The following INTS8 variants were observed in gnomAD, a reference collection of about 807,000 sequenced individuals.
INTS8 encodes protein kaonashi-1.
Under a neutral mutation model 138.9 loss-of-function variants are expected in INTS8, and 47 were observed. The observed-to-expected ratio is 0.34, with a 90% CI of 0.27 to 0.43. INTS8 has a LOEUF of 0.43. Among genes scored for constraint, INTS8 ranks in the 20% least tolerant of loss-of-function variants. The pLI is 1.00. For missense variants in INTS8, 996 were observed against 1,173.0 expected (o/e 0.85, Z 2.20); for synonymous variants, 392 against 400.9 (o/e 0.98, Z 0.27).
intron 8 of INTS8, among the ~76,000 whole-genome samples, chr8:94,840,559 G>GTTT (rs11395069): frequency 4.8e-4 from 66 of 136,486 alleles, no homozygotes; most frequent in African/African-American, 9.5e-4. Flanking sequence ...TTTTTAATTA[G>GTTT]TTTTTTTTTT....
chr8:94,849,850 A>G (rs770765030), intron 11 of INTS8, 66 bp from the exon 12 acceptor site: 12 of 1,179,516 alleles, frequency 1.0e-5, no homozygotes, highest in Non-Finnish European at 1.4e-5. Flanking sequence ...AAATTGGTTG[A>G]TATGATTGTT....
Position 94,881,599 on chromosome 8 carries a change from G to A in INTS8, c.*1365G>A. 1 of 1,607,816 alleles carries A rather than the reference G, an allele frequency of 6.2e-7. No individual in the cohort carries two copies. The highest frequency in any genetic ancestry group is 1.1e-5 in the South Asian group (1 of 90,510). On this transcript the variant is annotated 3_prime_UTR_variant, in exon 27 of 27. Transcript: ENST00000523731. ...GTGATACCAGTTCTACCCAATCTTG[G>A]TGAATTCCAACTTGTTTGCTTAGTT...
At chr8:94,845,046 G>A (rs1006071556) in intron 10 of INTS8, among the ~76,000 whole-genome samples, 11 of 152,150 alleles carry the variant, frequency 7.2e-5, no homozygotes, top group East Asian at 1.9e-4. Flanking sequence ...GAGCCACCAC[G>A]CCCAGCTTAG....
chr8:94,835,605 C>CTT (rs543122431), intron 6 of INTS8, among the ~76,000 whole-genome samples: 20 of 146,024 alleles, frequency 1.4e-4, no homozygotes, highest in African/African-American at 3.3e-4. Context: ...GAGCCTGCTT[C>CTT]TTTTTTTTTT....
Position 94,823,481 on chromosome 8 carries a change from G to C in INTS8, c.50G>C (p.Cys17Ser). The C allele has an allele frequency of 6.4e-7, 1 of 1,551,618 alleles. No homozygotes were observed. The part of the protein sequence containing the change: ...DREAATSSRP[C>S]TPPQTCWFEF... ...GAGGCGGCCACCTCCAGCCGGCCCT[G>C]CACCCCGCCGCAGACCTGCTGGTTT... Residue 17 changes from cysteine (C) to serine (S), a missense_variant, in exon 1 of 27, where the codon TGC becomes TCC. Physicochemically the swap from Cys to Ser is moderately radical, Grantham distance 112. Coordinates refer to ENST00000523731, the MANE Select transcript of INTS8 (RefSeq NM_017864.4).
intron 16 of INTS8, among the ~76,000 whole-genome samples, chr8:94,864,358 C>G (rs1586516823): frequency 6.6e-6 from 1 of 152,098 alleles, no homozygotes; most frequent in Admixed American, 6.5e-5. Flanking sequence ...TGCTACTGCA[C>G]CCTCTACAAG....
At chr8:94,828,288 G>A (rs1017950212) in intron 4 of INTS8, among the ~76,000 whole-genome samples, 4 of 152,078 alleles carry the variant, frequency 2.6e-5, no homozygotes, top group Non-Finnish European at 4.4e-5. Context: ...TGATCCACCC[G>A]CCTTGGTCTT....
intron 12 of INTS8, among the ~76,000 whole-genome samples, chr8:94,850,469 A>G (rs3779789): frequency 0.44 from 66,172 of 151,908 alleles, 14,970 homozygotes; most frequent in East Asian, 0.65. Flanking sequence ...AAAATTAGCC[A>G]GGCATGGTGG....
chr8:94,833,984 C>T (rs778380630), intron 6 of INTS8, among the ~76,000 whole-genome samples: 4 of 151,920 alleles, frequency 2.6e-5, no homozygotes, highest in Admixed American at 6.6e-5. Context: ...GTTGATCAGG[C>T]TGGTCTCAAA....
intron 10 of INTS8, 139 bp from the exon 11 acceptor site, chr8:94,849,323 T>C: frequency 1.6e-6 from 1 of 612,898 alleles, no homozygotes; most frequent in East Asian, 2.8e-5. Context: ...GTCTCTTCTG[T>C]TAAGTTACTT....
At chr8:94,852,477 A>G (rs542730643) in intron 13 of INTS8, among the ~76,000 whole-genome samples, 67 of 152,344 alleles carry the variant, frequency 4.4e-4, no homozygotes, top group Admixed American at 7.8e-4. Flanking sequence ...ATACAAGGGA[A>G]GTAATCGACA....
intron 3 of INTS8, 47 bp from the exon 4 acceptor site, chr8:94,827,675 T>A: frequency 1.4e-6 from 2 of 1,455,628 alleles, no homozygotes; most frequent in Non-Finnish European, 9.6e-7. Flanking sequence ...ATAATTGAGA[T>A]GACATTTATA....
chr8:94,829,417 G>A (rs112108003), intron 5 of INTS8, among the ~76,000 whole-genome samples: 2,357 of 151,910 alleles, frequency 0.016, 61 homozygotes, highest in African/African-American at 0.054. Context: ...TTCACGATAG[G>A]GTTTGCGCTC....
At chr8:94,823,882 G>A (rs1030318792) in intron 1 of INTS8, among the ~76,000 whole-genome samples, 2 of 152,218 alleles carry the variant, frequency 1.3e-5, no homozygotes, top group Admixed American at 6.5e-5. Context: ...TGCTTGGGTC[G>A]GGGAGGCTGA....
chr8:94,871,853 A>T (rs1816408448), intron 20 of INTS8, 31 bp from the exon 21 acceptor site: 2 of 1,153,332 alleles, frequency 1.7e-6, no homozygotes, highest in Non-Finnish European at 1.3e-6. Flanking sequence ...CTTTTAAAAT[A>T]GAGATTAATG....
intron 6 of INTS8, among the ~76,000 whole-genome samples, chr8:94,833,912 C>G (rs1284635609): frequency 6.6e-6 from 1 of 152,174 alleles, no homozygotes; most frequent in Non-Finnish European, 1.5e-5. Context: ...GCTGGGATTA[C>G]AGGCATGCAC....
chr8:94,867,161 A>G lies in INTS8; in HGVS notation c.2317A>G (p.Ile773Val), dbSNP rs1816208238. The G allele has an allele frequency of 6.2e-7, 1 of 1,610,120 alleles. No homozygotes were observed. Among genetic ancestry groups the G allele is most frequent in the Admixed American group, 1.7e-5 (1 of 59,698 alleles). The change falls in exon 19 of 27, where the codon ATT (isoleucine) becomes GTT (valine). Residue 773 changes from isoleucine (I) to valine (V), a missense_variant. Ile to Val is a conservative substitution (Grantham distance 29). Coordinates refer to ENST00000523731, the MANE Select transcript of INTS8 (RefSeq NM_017864.4). ...ATAGGAACCACTCGTTTTGACTATTATTTTATCACTCTTTGTGAAACTTCA... is the reference window on the plus strand; with the variant it reads ...ATAGGAACCACTCGTTTTGACTATTGTTTTATCACTCTTTGTGAAACTTCA... ...KLREPLVLTIILSLFVKLHNV... is the reference protein window; with the variant it reads ...KLREPLVLTIVLSLFVKLHNV...
intron 16 of INTS8, among the ~76,000 whole-genome samples, chr8:94,861,423 G>A (rs560974544): frequency 6.4e-4 from 97 of 151,568 alleles, no homozygotes; most frequent in African/African-American, 2.2e-3. Context: ...TGCCATGCCC[G>A]GCTAATTTTT....
chr8:94,863,154 G>C (rs34503218), intron 16 of INTS8, among the ~76,000 whole-genome samples: 29 of 152,332 alleles, frequency 1.9e-4, no homozygotes, highest in African/African-American at 6.5e-4. Context: ...TAAGAACCTA[G>C]GTAGTAGTGG....
Sources: gnomAD v4.1 joint callset for allele counts (sites outside exome capture counted in the v4.1 genomes callset) on GRCh38, gnomAD v4.1.1 for gene constraint, MANE v1.5 for transcripts, NCBI Gene and HGNC (gene_info 2026-07-23, HGNC 2026-07-21) for gene names.